Variants in SIGLEC7 observed in about 807,000 individuals in gnomAD.
SIGLEC7 encodes the protein sialic acid binding Ig like lectin 7, also known as sialic acid-binding Ig-like lectin 7.
In SIGLEC7, 33 loss-of-function variants were observed where a neutral mutation model predicts 40.8. That is an observed-to-expected ratio of 0.81 (90% confidence interval 0.61 to 1.08). The LOEUF is 1.08. Among genes scored for constraint, SIGLEC7 ranks in the 50% least tolerant of loss-of-function variants. The pLI, the probability that SIGLEC7 is intolerant of heterozygous loss-of-function variation, is 0.00. For missense variants in SIGLEC7, 513 were observed against 576.1 expected (o/e 0.89, Z 1.12); for synonymous variants, 242 against 237.6 (o/e 1.02, Z -0.17).
In SIGLEC7 at chr19:51,153,320, G is replaced by C; in HGVS notation, c.*75G>C. The stretch of plus-strand genomic sequence containing the variant: ...AAGGAGTCTGAGGCTGATTCCAGTA[G>C]AATTAGCAGCCCTCAATGCTGTGCA... On this transcript the variant is annotated 3_prime_UTR_variant, in exon 7 of 7. Transcript: ENST00000317643. The C allele has an allele frequency of 2.5e-6, 3 of 1,184,284 alleles. No individual in the cohort carries two copies. Among genetic ancestry groups the C allele is most frequent in the Non-Finnish European group, 3.5e-6 (3 of 862,414 alleles). The allele number at this position is 1,184,284 out of a possible 1,614,324, so 73.4% of individuals were successfully genotyped here.
rs1350637574 is a variant in SIGLEC7, at chr19:51,153,293, C to A, written c.*48C>A. The A allele has an allele frequency of 1.4e-6, 2 of 1,407,772 alleles. No homozygotes were observed. The highest frequency in any genetic ancestry group is 2.5e-5 in the East Asian group (1 of 40,484). The allele number at this position is 1,407,772 out of a possible 1,614,324, so 87.2% of individuals were successfully genotyped here. A position where few individuals can be genotyped will look rare whatever the true frequency, so the allele number is the denominator to read the frequency against. ...GTTTGAGGGTTCACGACCCCTCCAG[C>A]AAAGGAGTCTGAGGCTGATTCCAGT... On this transcript the variant is annotated 3_prime_UTR_variant, in exon 7 of 7. Transcript: ENST00000317643.
intron 1 of SIGLEC7, chr19:51,143,795 C>CG (rs2092087287): frequency 3.2e-6 from 1 of 314,240 alleles, no homozygotes; most frequent in African/African-American, 2.3e-5. Context: ...GAGGGACAGT[C>CG]GGGGCTGGGC....
chr19:51,144,731 TC>T, intron 2 of SIGLEC7, 47 bp downstream of exon 2: 1 of 1,598,298 alleles, frequency 6.3e-7, no homozygotes, highest in Non-Finnish European at 8.5e-7. Context: ...GGGGGGGACG[TC>T]CCTGAGGGCA....
Position 51,145,090 on chromosome 19 carries a change from C to G in SIGLEC7, c.760+131C>G. On this transcript the variant is annotated intron_variant, in intron 3 of 6. Transcript: ENST00000317643. The surrounding 1 kb of genome is among the most constrained non-coding windows in gnomAD (Gnocchi z 4.3). ...TTGTAGTTGAACCCAGGCCTCCTCC[C>G]CATCCTTAGCCTCTGTGGCCACCTG... 9.4e-6 allele frequency: 8 copies of G among 854,560 alleles called. No homozygotes were observed. In the South Asian group the frequency reaches 1.2e-4, roughly 13 times the overall value. 52.9% of individuals were successfully genotyped at this position (854,560 alleles called of 1,614,324 possible).
In SIGLEC7 at chr19:51,153,169, A is replaced by AT. The variant is rs752177642; in HGVS notation, c.1329dup (p.Lys444Ter). The stretch of plus-strand genomic sequence containing the variant: ...ATCCAGTATGCACCCCTCAGCTTTC[A>AT]TAAGGGGGAGCCTCAGGACCTATCA... On this transcript the variant is annotated frameshift_variant, in exon 7 of 7. Transcript: ENST00000317643. LOFTEE classifies it low-confidence loss of function (END_TRUNC). 2.5e-6 allele frequency: 4 copies of AT among 1,610,058 alleles called. No homozygotes were observed. The highest frequency in any genetic ancestry group is 3.4e-6 in the Non-Finnish European group (4 of 1,178,182).
At chr19:51,146,895 C>A (rs376347865) in intron 5 of SIGLEC7, 45 bp downstream of exon 5, 5 of 1,560,336 alleles carry the variant, frequency 3.2e-6, no homozygotes, top group Admixed American at 3.4e-5. Flanking sequence ...TGGGGGAGGG[C>A]GGACTGGGAG....
chr19:51,149,462 T>C (rs961322419), intron 6 of SIGLEC7, among the ~76,000 whole-genome samples: 1 of 152,206 alleles, frequency 6.6e-6, no homozygotes, highest in African/African-American at 2.4e-5. Flanking sequence ...CAAATTGTTG[T>C]AGGTGTGTGG....
At chr19:51,144,736 G>A in intron 2 of SIGLEC7, 52 bp downstream of exon 2, 2 of 1,595,582 alleles carry the variant, frequency 1.3e-6, no homozygotes, top group Non-Finnish European at 8.5e-7. Context: ...GGACGTCCCT[G>A]AGGGCAGAGG....
At chr19:51,143,526 C>T (rs1599830115) in intron 1 of SIGLEC7, among the ~76,000 whole-genome samples, 1 of 152,232 alleles carries the variant, frequency 6.6e-6, no homozygotes, top group East Asian at 1.9e-4. Context: ...TCTTCTCCTC[C>T]CTGGGTGGGT....
At chr19:51,150,464 T>C (rs1054176641) in intron 6 of SIGLEC7, among the ~76,000 whole-genome samples, 4 of 152,212 alleles carry the variant, frequency 2.6e-5, no homozygotes, top group Non-Finnish European at 4.4e-5. Context: ...TTTGTGTATG[T>C]TGAACCAACA....
In SIGLEC7 at chr19:51,144,723, G is replaced by T. The variant is rs569157569; in HGVS notation, c.712+39G>T. 2.5e-6 allele frequency: 4 copies of T among 1,602,502 alleles called. No individual in the cohort carries two copies. In the South Asian group the frequency reaches 4.4e-5, roughly 18 times the overall value. On this transcript the variant is annotated intron_variant, in intron 2 of 6. Transcript: ENST00000317643. Reference sequence around the variant, plus strand: ...CAGGACGCCCTGGTCCCTGATGAGGGGGGGACGTCCCTGAGGGCAGAGGAT... The same window carrying T: ...CAGGACGCCCTGGTCCCTGATGAGGTGGGGACGTCCCTGAGGGCAGAGGAT...
Position 51,153,446 on chromosome 19 carries a change from G to A in SIGLEC7, c.*201G>A, listed in dbSNP as rs533842757. On this transcript the variant is annotated 3_prime_UTR_variant, in exon 7 of 7. Coordinates refer to ENST00000317643, the MANE Select transcript of SIGLEC7 (RefSeq NM_014385.4). ...CAATCGGTCCACACTCCCCGCCCTG[G>A]CCTCTGGTACCCACCATTCTCCTCT... 5.2e-4 allele frequency: 204 copies of A among 391,260 alleles called. No homozygotes were observed. The highest frequency in any genetic ancestry group is 1.9e-3 in the African/African-American group (94 of 48,864). 24.2% of individuals were successfully genotyped at this position (391,260 alleles called of 1,614,324 possible).
chr19:51,147,367 C>T (rs2092116604), intron 6 of SIGLEC7, 50 bp downstream of exon 6: 5 of 1,517,736 alleles, frequency 3.3e-6, no homozygotes, highest in South Asian at 1.2e-5. Flanking sequence ...GGACATCTCC[C>T]ACAGGATGGC....
chr19:51,146,737 T>C lies in SIGLEC7; in HGVS notation c.1028-17T>C. 1.3e-5 allele frequency: 21 copies of C among 1,611,036 alleles called. No individual in the cohort carries two copies. The highest frequency in any genetic ancestry group is 1.8e-5 in the Non-Finnish European group (21 of 1,177,952). On this transcript the variant is annotated splice_polypyrimidine_tract_variant and intron_variant, in intron 4 of 6. Coordinates refer to ENST00000317643, the MANE Select transcript of SIGLEC7 (RefSeq NM_014385.4). ...TCTTGGAGTTGGATCACCAAAACAA[T>C]TCCAATCCATCCTCAGGCAAAATGA...
chr19:51,146,619 C>T, intron 4 of SIGLEC7, 135 bp from the exon 5 acceptor site: 2 of 684,834 alleles, frequency 2.9e-6, no homozygotes, highest in South Asian at 2.0e-5. Flanking sequence ...TCCCTTCCTC[C>T]TCCCTCCCAT....
chr19:51,149,949 G>C (rs2092133732), intron 6 of SIGLEC7, among the ~76,000 whole-genome samples: 1 of 152,078 alleles, frequency 6.6e-6, no homozygotes, highest in Admixed American at 6.5e-5. Context: ...CTCTTGGCTT[G>C]GTAGTTCCTG....
intron 1 of SIGLEC7, among the ~76,000 whole-genome samples, chr19:51,143,150 C>T (rs1423357090): frequency 2.0e-5 from 3 of 152,298 alleles, no homozygotes; most frequent in East Asian, 1.9e-4. Flanking sequence ...GAAGCACCCA[C>T]TCCACCCATG....
chr19:51,147,684 C>T (rs2092118374), intron 6 of SIGLEC7, among the ~76,000 whole-genome samples: 1 of 152,122 alleles, frequency 6.6e-6, no homozygotes, highest in African/African-American at 2.4e-5. Context: ...CTTGGACTTC[C>T]TCACCTCCCT....
rs2092090293 is a variant in SIGLEC7, at chr19:51,144,274, C to T, written c.434-132C>T. ...GTGGCAGCGAAAGCCTGGGATGGGG[C>T]CCCTGCCCTGGGAGAGGGCTGAGGG... is the stretch of plus-strand genomic sequence containing the variant. On this transcript the variant is annotated intron_variant, in intron 1 of 6. Transcript: ENST00000317643. The T allele has an allele frequency of 2.7e-6, 4 of 1,471,030 alleles. No homozygotes were observed. The South Asian group carries it at 4.0e-5, about 15-fold the overall frequency. 91.1% of individuals were successfully genotyped at this position (1,471,030 alleles called of 1,614,324 possible). A position where few individuals can be genotyped will look rare whatever the true frequency, so the allele number is the denominator to read the frequency against.
Sources: allele counts gnomAD v4.1 joint callset (sites outside exome capture counted in the v4.1 genomes callset), GRCh38; gene constraint gnomAD v4.1.1; non-coding constraint Gnocchi (gnomAD v3.1); transcripts MANE v1.5; gene names NCBI Gene and HGNC (gene_info 2026-07-23, HGNC 2026-07-21).